Variants in WWOX observed in about 807,000 individuals in gnomAD.
The protein encoded by WWOX is WW domain containing oxidoreductase.
In WWOX, 69 loss-of-function variants were observed where a neutral mutation model predicts 46.2. The ratio of observed to expected loss-of-function variants is 1.49; its 90% CI spans 1.23 to 1.82. WWOX has a LOEUF of 1.82. Among genes scored for constraint, WWOX ranks in the 40% most tolerant of loss-of-function variants. WWOX has a pLI of 0.00. For missense variants in WWOX, 919 were observed against 542.6 expected (o/e 1.69, Z -6.89); for synonymous variants, 359 against 202.6 (o/e 1.77, Z -6.56).
At chr16:78,793,909 G>GA (rs891574973) in intron 8 of WWOX, among the ~76,000 whole-genome samples, 78 of 147,588 alleles carry the variant, frequency 5.3e-4, no homozygotes, top group South Asian at 4.6e-3. Flanking sequence ...TAAAATATTT[G>GA]AAAAAAAAAA....
intron 8 of WWOX, among the ~76,000 whole-genome samples, chr16:78,962,519 T>A (rs2046290592): frequency 6.6e-6 from 1 of 152,030 alleles, no homozygotes; most frequent in Non-Finnish European, 1.5e-5. Flanking sequence ...GCTTAAATAA[T>A]GTATTCTGTC....
At chr16:78,817,401 C>G (rs746470738) in intron 8 of WWOX, among the ~76,000 whole-genome samples, 3 of 152,036 alleles carry the variant, frequency 2.0e-5, no homozygotes, top group Non-Finnish European at 4.4e-5. Context: ...AAGCATTTGC[C>G]TCCTTAAAGA....
At chr16:78,237,812 G>A (rs2037493592) in intron 5 of WWOX, 1 of 152,204 alleles carries the variant, frequency 6.6e-6, no homozygotes, top group Non-Finnish European at 1.5e-5. Flanking sequence ...TTTCTCTCCT[G>A]TTATGTAAAT....
intron 8 of WWOX, among the ~76,000 whole-genome samples, chr16:78,865,269 C>G (rs2043979220): frequency 6.6e-6 from 1 of 151,776 alleles, no homozygotes; most frequent in East Asian, 1.9e-4. Flanking sequence ...TTTTTCCCTT[C>G]TTCACTTTCT....
intron 5 of WWOX, among the ~76,000 whole-genome samples, chr16:78,178,003 T>C (rs1045158099): frequency 2.0e-5 from 3 of 152,202 alleles, no homozygotes; most frequent in Non-Finnish European, 4.4e-5. Flanking sequence ...AGAGAAAGCA[T>C]TCCTCACTTG....
At chr16:78,469,567 T>G (rs564530754) in intron 8 of WWOX, among the ~76,000 whole-genome samples, 1 of 152,242 alleles carries the variant, frequency 6.6e-6, no homozygotes, top group South Asian at 2.1e-4. Context: ...AGAAGGGCTT[T>G]TGGATAAAAG....
At position 78,542,018 on chromosome 16, in the gene WWOX, C is replaced by CAAAAAAAAAAAAAAAAAA. The variant is rs548366256; in HGVS notation, c.1056+109277_1056+109294dup. Among the ~76,000 whole-genome samples the CAAAAAAAAAAAAAAAAAA allele has an allele frequency of 5.2e-4, 21 of 40,636 alleles. 3 individuals carry two copies. Among genetic ancestry groups the CAAAAAAAAAAAAAAAAAA allele is most frequent in the Non-Finnish European group, 5.6e-4 (14 of 24,852 alleles). The allele number at this position is 40,636 out of a possible 152,430, so 26.7% of individuals were successfully genotyped here. A position where few individuals can be genotyped will look rare whatever the true frequency, so the allele number is the denominator to read the frequency against. On this transcript the variant is annotated intron_variant, in intron 8 of 8. Coordinates refer to ENST00000566780, the MANE Select transcript of WWOX (RefSeq NM_016373.4). ...GAGGGTTTCTTTCAACAGAGTATAC[C>CAAAAAAAAAAAAAAAAAA]AAAAAAAAAAAAAAAAAAAAAAAAA...
chr16:78,952,382 GA>G (rs1369390337), intron 8 of WWOX, among the ~76,000 whole-genome samples: 28 of 141,502 alleles, frequency 2.0e-4, no homozygotes, highest in African/African-American at 7.0e-4. Flanking sequence ...TTTGTTTTTT[GA>G]GTTTTTTTTT....
intron 7 of WWOX, among the ~76,000 whole-genome samples, chr16:78,431,890 ATTTTTT>A (rs1241095543): frequency 1.3e-5 from 2 of 151,754 alleles, no homozygotes; most frequent in African/African-American, 4.8e-5. Context: ...CTAATTGTTT[ATTTTTT>A]GTAGACATGG....
chr16:78,327,517 G>T (rs1053482158), intron 5 of WWOX, among the ~76,000 whole-genome samples: 1 of 152,124 alleles, frequency 6.6e-6, no homozygotes, highest in African/African-American at 2.4e-5. Flanking sequence ...GTAGAACATG[G>T]AGCGCTCAGC....
chr16:78,964,394 A>T (rs7196204), intron 8 of WWOX, among the ~76,000 whole-genome samples: 98,380 of 151,590 alleles, frequency 0.65, 32,609 homozygotes, highest in African/African-American at 0.79. Flanking sequence ...GACTCTTGTT[A>T]TGTTTTAACA....
intron 8 of WWOX, chr16:78,872,644 C>G (rs1314723412): frequency 1.3e-5 from 2 of 152,134 alleles, no homozygotes; most frequent in African/African-American, 4.8e-5. Context: ...CTTTTGCTTA[C>G]CTCACATTTG....
At chr16:78,649,040 C>G (rs1286313538) in intron 8 of WWOX, among the ~76,000 whole-genome samples, 1 of 152,064 alleles carries the variant, frequency 6.6e-6, no homozygotes, top group Non-Finnish European at 1.5e-5. Context: ...GCAGTGTGAT[C>G]TTGGCTCACT....
chr16:78,920,270 A>G (rs1286165107), intron 8 of WWOX, among the ~76,000 whole-genome samples: 1 of 152,212 alleles, frequency 6.6e-6, no homozygotes, highest in Non-Finnish European at 1.5e-5. Flanking sequence ...TTCACTGGCC[A>G]AACACAGTGA....
intron 8 of WWOX, among the ~76,000 whole-genome samples, chr16:78,443,090 C>T (rs926775521): frequency 6.9e-5 from 10 of 144,922 alleles, no homozygotes; most frequent in East Asian, 2.0e-4. Context: ...GAGCCAAGAT[C>T]GCACCACTGC....
intron 8 of WWOX, chr16:79,106,612 T>G: frequency 1.0e-5 from 1 of 95,784 alleles, no homozygotes; most frequent in Admixed American, 1.1e-4. Flanking sequence ...TTTTTTTTTT[T>G]TTTGGAGAAC....
intron 8 of WWOX, among the ~76,000 whole-genome samples, chr16:79,197,017 G>C (rs541013485): frequency 6.6e-6 from 1 of 152,126 alleles, no homozygotes; most frequent in Non-Finnish European, 1.5e-5. Flanking sequence ...ACGTTGCAAC[G>C]TTTCTAGAAT....
chr16:78,520,813 G>A (rs2043331818), intron 8 of WWOX, among the ~76,000 whole-genome samples: 2 of 152,146 alleles, frequency 1.3e-5, no homozygotes, highest in African/African-American at 4.8e-5. Context: ...TCTGTTCGTG[G>A]CCTCTGGAAG....
chr16:78,849,877 A>C (rs1280091493), intron 8 of WWOX, among the ~76,000 whole-genome samples: 4 of 152,280 alleles, frequency 2.6e-5, no homozygotes, highest in South Asian at 4.1e-4. Context: ...GTTCGCGACC[A>C]GCCTGACCAA....
Sources: allele counts gnomAD v4.1 joint callset (sites outside exome capture counted in the v4.1 genomes callset), GRCh38; gene constraint gnomAD v4.1.1; transcripts MANE v1.5; gene names NCBI Gene and HGNC (gene_info 2026-07-23, HGNC 2026-07-21).